The following CDK18 variants were observed in gnomAD, a reference collection of about 807,000 sequenced individuals.
CDK18 encodes cyclin dependent kinase 18.
In CDK18, 52 loss-of-function variants were observed where a neutral mutation model predicts 62.0. The ratio of observed to expected loss-of-function variants is 0.84; its 90% CI spans 0.67 to 1.06. CDK18 has a LOEUF of 1.06. CDK18 is among the 50% of genes least tolerant of loss of function. The pLI is 0.00. For synonymous variants in CDK18, 237 were observed against 247.0 expected, an observed-to-expected ratio of 0.96 and a Z score of 0.38; for missense variants, 604 against 619.9, an observed-to-expected ratio of 0.97 and a Z score of 0.27.
At chr1:205,514,925 G>A (rs1667743593) in intron 1 of CDK18, among the ~76,000 whole-genome samples, 1 of 152,168 alleles carries the variant, frequency 6.6e-6, no homozygotes, top group Admixed American at 6.5e-5. Context: ...CAGGGGAAGT[G>A]ACCCATGAGT....
intron 1 of CDK18, among the ~76,000 whole-genome samples, chr1:205,508,677 T>A (rs993440844): frequency 5.3e-5 from 8 of 152,092 alleles, no homozygotes; most frequent in African/African-American, 1.9e-4. Context: ...AGACCCCATC[T>A]CTAAAAAAAT....
intron 1 of CDK18, among the ~76,000 whole-genome samples, chr1:205,515,798 T>C (rs1172769657): frequency 6.6e-6 from 1 of 152,204 alleles, no homozygotes; most frequent in Non-Finnish European, 1.5e-5. Context: ...CTTTGCCTCC[T>C]GAGCAGACAT....
chr1:205,515,018 T>C (rs919055913), intron 1 of CDK18, among the ~76,000 whole-genome samples: 1 of 151,796 alleles, frequency 6.6e-6, no homozygotes, highest in Non-Finnish European at 1.5e-5. Context: ...GGGGTGTGAG[T>C]GGAGTTTGCT....
chr1:205,508,995 A>G (rs1397998877), intron 1 of CDK18, among the ~76,000 whole-genome samples: 1 of 150,800 alleles, frequency 6.6e-6, no homozygotes, highest in Non-Finnish European at 1.5e-5. Flanking sequence ...CTAAAAATAC[A>G]AAAATTAGCT....
Position 205,528,034 on chromosome 1 carries a change from A to C in CDK18, c.854-14A>C. ...CACCTGTGGACAGAGGTCCAGTGAC[A>C]TGTCTGCCCCCAGGACTGGCCAGGG... On this transcript the variant is annotated splice_polypyrimidine_tract_variant and intron_variant, in intron 9 of 15. Transcript: ENST00000429964. The surrounding 1 kb of genome is among the most constrained non-coding windows in gnomAD (Gnocchi z 4.2). 6.2e-7 allele frequency: 1 copy of C among 1,614,080 alleles called. No individual in the cohort carries two copies. Among genetic ancestry groups the C allele is most frequent in the African/African-American group, 1.3e-5 (1 of 75,040 alleles).
intron 13 of CDK18, chr1:205,529,902 GT>G: frequency 7.3e-7 from 1 of 1,374,362 alleles, no homozygotes; most frequent in Non-Finnish European, 9.5e-7. Flanking sequence ...ACTTAGTGTG[GT>G]GCCTGTCTTG....
intron 13 of CDK18, chr1:205,529,864 G>A: frequency 1.5e-6 from 2 of 1,337,894 alleles, no homozygotes; most frequent in Non-Finnish European, 2.0e-6. Flanking sequence ...TAAGATGGCC[G>A]TGAGGATACA....
chr1:205,525,877 TC>T (rs919836707), intron 5 of CDK18, among the ~76,000 whole-genome samples, 187 bp from the exon 6 acceptor site: 1 of 152,170 alleles, frequency 6.6e-6, no homozygotes, highest in African/African-American at 2.4e-5. Flanking sequence ...ACGGATTCAC[TC>T]CGACTGGGGA....
At position 205,531,631 on chromosome 1, in the gene CDK18, G is replaced by C. The variant is rs1638983472; in HGVS notation, c.*253G>C. ...GCTGGCATAAGCTGCTTCCCTGAGAGGACATGAGGGGGGGGCGGTCCTCGT... is the reference window on the plus strand; with the variant it reads ...GCTGGCATAAGCTGCTTCCCTGAGACGACATGAGGGGGGGGCGGTCCTCGT... On this transcript the variant is annotated 3_prime_UTR_variant, in exon 16 of 16. Coordinates refer to ENST00000429964, the MANE Select transcript of CDK18 (RefSeq NM_212502.3). 1.9e-6 allele frequency: 1 copy of C among 512,828 alleles called. No individual in the cohort carries two copies. The highest frequency in any genetic ancestry group is 3.6e-6 in the Non-Finnish European group (1 of 279,770). 31.8% of individuals were successfully genotyped at this position (512,828 alleles called of 1,614,324 possible).
intron 11 of CDK18, 92 bp downstream of exon 11, chr1:205,529,188 G>C (rs1270772620): frequency 1.5e-5 from 21 of 1,360,982 alleles, no homozygotes; most frequent in Middle Eastern, 2.2e-4. Flanking sequence ...GGAGCGGCTC[G>C]GCCGCCTCTC....
chr1:205,530,162 C>G (rs1243197403), intron 13 of CDK18, 97 bp from the exon 14 acceptor site: 3 of 1,569,724 alleles, frequency 1.9e-6, no homozygotes, highest in Non-Finnish European at 1.7e-6. Context: ...CCTCAAGCCT[C>G]ACCCACCTTG....
chr1:205,522,197 CT>C (rs1668161539), intron 1 of CDK18, among the ~76,000 whole-genome samples: 1 of 152,110 alleles, frequency 6.6e-6, no homozygotes, highest in Non-Finnish European at 1.5e-5. Flanking sequence ...AGGGCATCCT[CT>C]AATTCAGAGG....
rs778575826 is a variant in CDK18 at position 205,526,069 on chromosome 1, C to G, written c.461C>G (p.Thr154Ser). 12 of 1,611,490 alleles carry G rather than the reference C, an allele frequency of 7.4e-6. No homozygotes were observed. In the South Asian group the frequency reaches 1.3e-4, roughly 18 times the overall value. The change falls in exon 6 of 16, where the codon ACC becomes AGC. Residue 154 changes from threonine (T) to serine (S), a missense_variant. Physicochemically the swap from Thr to Ser is moderately conservative, Grantham distance 58. Coordinates refer to ENST00000429964, the MANE Select transcript of CDK18 (RefSeq NM_212502.3). ...CGCTGTGGCCCTCCATCCCAGGGCACCTATGCCACAGTCTTCAAAGGGCGC... is the reference window on the plus strand; with the variant it reads ...CGCTGTGGCCCTCCATCCCAGGGCAGCTATGCCACAGTCTTCAAAGGGCGC... ...YVKLDKLGEG[T>S]YATVFKGRSK...
rs1452861500 is a variant in CDK18, at chr1:205,527,980, G to C, written c.853+63G>C. 1.2e-6 allele frequency: 2 copies of C among 1,613,018 alleles called. No individual in the cohort carries two copies. Among genetic ancestry groups the C allele is most frequent in the Non-Finnish European group, 1.7e-6 (2 of 1,179,206 alleles). ...GGGTGCCTCAGGGTGTGGGTGCAGT[G>C]GGGGAGGGCATAGCAGTCAACCCCA... is the stretch of plus-strand genomic sequence containing the variant. On this transcript the variant is annotated intron_variant, in intron 9 of 15. Coordinates refer to ENST00000429964, the MANE Select transcript of CDK18 (RefSeq NM_212502.3). This position sits in a 1 kb window ranked among gnomAD's most constrained non-coding sequence, Gnocchi z 4.1.
intron 13 of CDK18, 148 bp downstream of exon 13, chr1:205,529,711 AG>A: frequency 6.5e-7 from 1 of 1,543,144 alleles, no homozygotes; most frequent in Non-Finnish European, 8.7e-7. Context: ...CCCAAGGCCA[AG>A]GGGTGGCCTC....
intron 4 of CDK18, 79 bp downstream of exon 4, chr1:205,524,436 G>A (rs1456622650): frequency 6.6e-7 from 1 of 1,519,442 alleles, no homozygotes; most frequent in Non-Finnish European, 9.0e-7. Context: ...CCCAGCTGAG[G>A]CCTAGATGGG....
Position 205,516,650 on chromosome 1 carries a change from C to T in CDK18, c.-21-6497C>T, listed in dbSNP as rs1369823434. ...GATGAGGGAGACAGGTGAAAAGTCACGCCCCATTGAAGGAGGGGCACCTGG... is the reference window on the plus strand; with the variant it reads ...GATGAGGGAGACAGGTGAAAAGTCATGCCCCATTGAAGGAGGGGCACCTGG... On this transcript the variant is annotated intron_variant, in intron 1 of 15. Coordinates refer to ENST00000429964, the MANE Select transcript of CDK18 (RefSeq NM_212502.3). This position sits in a 1 kb window ranked among gnomAD's most constrained non-coding sequence, Gnocchi z 4.8. Among the ~76,000 whole-genome samples, 4 of 152,110 alleles carry T rather than the reference C, an allele frequency of 2.6e-5. No homozygotes were observed. Among genetic ancestry groups the T allele is most frequent in the Admixed American group, 6.5e-5 (1 of 15,268 alleles).
intron 1 of CDK18, among the ~76,000 whole-genome samples, chr1:205,513,114 G>C (rs1295415683): frequency 6.6e-6 from 1 of 152,228 alleles, no homozygotes; most frequent in Non-Finnish European, 1.5e-5. Flanking sequence ...GAGGAAACAA[G>C]CTGTTTCCTC....
In CDK18 at chr1:205,523,221, C is replaced by T. The variant is rs201606302; in HGVS notation, c.54C>T (p.Pro18=). The T allele has an allele frequency of 4.4e-5, 71 of 1,613,684 alleles. No homozygotes were observed. The East Asian group carries it at 1.5e-3, about 34-fold the overall frequency. ...AGCGCCGTTTCTCCCTGTCAGTGCCCCGCACTGAGACCATTGAAGAATCCT... is the reference window on the plus strand; with the variant it reads ...AGCGCCGTTTCTCCCTGTCAGTGCCTCGCACTGAGACCATTGAAGAATCCT... ...NFKRRFSLSV[P]RTETIEESLA... Residue 18 remains proline, a synonymous_variant, in exon 2 of 16, where the codon CCC becomes CCT. Transcript: ENST00000429964.
Sources: allele counts gnomAD v4.1 joint callset (sites outside exome capture counted in the v4.1 genomes callset), GRCh38; gene constraint gnomAD v4.1.1; non-coding constraint Gnocchi (gnomAD v3.1); transcripts MANE v1.5; gene names NCBI Gene and HGNC (gene_info 2026-07-23, HGNC 2026-07-21).